Variants in PCDH9 observed in about 807,000 individuals in gnomAD.
PCDH9 encodes protocadherin 9.
PCDH9 carries 24 observed loss-of-function variants against 70.6 expected under a neutral mutation model. The observed-to-expected ratio is 0.34, with a 90% confidence interval of 0.25 to 0.48. The LOEUF is 0.48. PCDH9 is among the 20% of genes least tolerant of loss of function. The pLI is 0.99. For missense variants in PCDH9, 1,281 were observed against 1,503.6 expected (o/e 0.85, Z 2.45); for synonymous variants, 562 against 558.5 (o/e 1.01, Z -0.09).
At chr13:66,904,083 T>A (rs2082320184) in intron 2 of PCDH9, among the ~76,000 whole-genome samples, 1 of 151,860 alleles carries the variant, frequency 6.6e-6, no homozygotes, top group African/African-American at 2.4e-5. Context: ...ATTCCCCATA[T>A]CCTTAGCTAC....
At chr13:67,175,905 C>G (rs1463510438) in intron 2 of PCDH9, among the ~76,000 whole-genome samples, 26 of 151,574 alleles carry the variant, frequency 1.7e-4, no homozygotes, top group Admixed American at 1.7e-3. Context: ...ATTCAAATAA[C>G]AGATCCAGAC....
At chr13:66,686,323 A>G (rs1004540441) in intron 3 of PCDH9, among the ~76,000 whole-genome samples, 1 of 152,124 alleles carries the variant, frequency 6.6e-6, no homozygotes, top group Non-Finnish European at 1.5e-5. Context: ...CTTTCCTGCC[A>G]TCATTGAAGA....
chr13:67,051,716 A>C (rs940890317), intron 2 of PCDH9, among the ~76,000 whole-genome samples: 1 of 151,998 alleles, frequency 6.6e-6, no homozygotes, highest in African/African-American at 2.4e-5. Context: ...AAAAGACTTA[A>C]AGGAAGCTGG....
intron 3 of PCDH9, among the ~76,000 whole-genome samples, chr13:66,895,625 A>C (rs1308996308): frequency 6.6e-6 from 1 of 152,250 alleles, no homozygotes; most frequent in Non-Finnish European, 1.5e-5. Context: ...CAAATGCTTG[A>C]GCAGCATTAT....
At chr13:66,822,494 A>ATTT (rs57689980) in intron 3 of PCDH9, among the ~76,000 whole-genome samples, 5 of 118,160 alleles carry the variant, frequency 4.2e-5, no homozygotes, top group South Asian at 2.7e-4. Context: ...ATGTCCTGGA[A>ATTT]TTTTTTTTTT....
At chr13:66,380,521 A>G (rs1189589188) in intron 4 of PCDH9, among the ~76,000 whole-genome samples, 1 of 148,780 alleles carries the variant, frequency 6.7e-6, no homozygotes, top group Non-Finnish European at 1.5e-5. Context: ...AAAAAAATAG[A>G]GAATAGATCT....
At chr13:66,577,992 A>C (rs928992958) in intron 4 of PCDH9, among the ~76,000 whole-genome samples, 1 of 152,080 alleles carries the variant, frequency 6.6e-6, no homozygotes, top group African/African-American at 2.4e-5. Context: ...GATTAGCTTG[A>C]AATCAAAATT....
At chr13:66,988,213 T>C (rs1366216768) in intron 2 of PCDH9, among the ~76,000 whole-genome samples, 1 of 152,058 alleles carries the variant, frequency 6.6e-6, no homozygotes, top group Non-Finnish European at 1.5e-5. Flanking sequence ...GAAAGTTGAC[T>C]GGGAAATATT....
At chr13:66,887,640 G>A (rs2082029685) in intron 3 of PCDH9, among the ~76,000 whole-genome samples, 1 of 152,150 alleles carries the variant, frequency 6.6e-6, no homozygotes, top group African/African-American at 2.4e-5. Flanking sequence ...TAGTATTAAT[G>A]CGCTAATTAC....
At chr13:66,633,194 C>T (rs962664886) in intron 3 of PCDH9, among the ~76,000 whole-genome samples, 5 of 152,130 alleles carry the variant, frequency 3.3e-5, no homozygotes, top group African/African-American at 1.2e-4. Context: ...CTGATGCCAA[C>T]ATCACAAAAA....
chr13:66,995,071 G>C (rs569259973), intron 2 of PCDH9, among the ~76,000 whole-genome samples: 2 of 152,180 alleles, frequency 1.3e-5, no homozygotes, highest in Non-Finnish European at 2.9e-5. Flanking sequence ...CCAGACCACG[G>C]AGGGTGCTGA....
At chr13:67,012,614 G>A (rs922828149) in intron 2 of PCDH9, among the ~76,000 whole-genome samples, 6 of 151,850 alleles carry the variant, frequency 4.0e-5, no homozygotes, top group African/African-American at 1.2e-4. Flanking sequence ...CTACAAATAC[G>A]TTGAATGGTT....
intron 4 of PCDH9, among the ~76,000 whole-genome samples, chr13:66,492,800 G>T (rs896972008): frequency 6.6e-6 from 1 of 151,994 alleles, no homozygotes; most frequent in Non-Finnish European, 1.5e-5. Flanking sequence ...TGAATAATAA[G>T]GTCAGGATCA....
chr13:66,431,969 A>G (rs1338049512), intron 4 of PCDH9, among the ~76,000 whole-genome samples: 2 of 152,018 alleles, frequency 1.3e-5, no homozygotes, highest in Non-Finnish European at 2.9e-5. Flanking sequence ...ACAGTATTCA[A>G]TTTAGTATTT....
At chr13:67,041,075 A>AT (rs1479600324) in intron 2 of PCDH9, among the ~76,000 whole-genome samples, 1 of 152,100 alleles carries the variant, frequency 6.6e-6, no homozygotes, top group East Asian at 1.9e-4. Flanking sequence ...AAAAAAAAAG[A>AT]TTAGATATAC....
rs200343719 is a variant in PCDH9 at position 66,979,918 on chromosome 13, C to G, written c.3037-76313G>C. Among the ~76,000 whole-genome samples, 3 of 152,054 alleles carry G rather than the reference C, an allele frequency of 2.0e-5. No individual in the cohort carries two copies. The East Asian group carries it at 5.8e-4, about 29-fold the overall frequency. ...TATTTACCTTCTCCTATCCCTCCAC[C>G]TTTTTCTTTCTTTCCTATCTAATTC... On this transcript the variant is annotated intron_variant, in intron 2 of 4. Coordinates refer to ENST00000377865, the MANE Select transcript of PCDH9 (RefSeq NM_203487.3).
At chr13:66,612,880 G>T (rs2077310110) in intron 4 of PCDH9, among the ~76,000 whole-genome samples, 2 of 151,166 alleles carry the variant, frequency 1.3e-5, no homozygotes, top group South Asian at 4.2e-4. Context: ...CATTAAAATT[G>T]TCTGTGAGCC....
At chr13:66,969,716 T>A (rs1220627011) in intron 2 of PCDH9, among the ~76,000 whole-genome samples, 1 of 151,900 alleles carries the variant, frequency 6.6e-6, no homozygotes, top group Non-Finnish European at 1.5e-5. Context: ...TAAAATGGGA[T>A]TTTTTATCAA....
chr13:66,652,655 CACA>C (rs1266690999), intron 3 of PCDH9, among the ~76,000 whole-genome samples: 1 of 151,178 alleles, frequency 6.6e-6, no homozygotes, highest in Non-Finnish European at 1.5e-5. Context: ...TATATGGAAC[CACA>C]AATTACCCAA....
Sources: allele counts gnomAD v4.1 joint callset (sites outside exome capture counted in the v4.1 genomes callset), GRCh38; gene constraint gnomAD v4.1.1; transcripts MANE v1.5; gene names NCBI Gene and HGNC (gene_info 2026-07-23, HGNC 2026-07-21).